The following CLDN10 variants were observed in gnomAD, a reference collection of about 807,000 sequenced individuals.
CLDN10 encodes the protein claudin 10.
In CLDN10, 15 loss-of-function variants were observed where a neutral mutation model predicts 22.9. The ratio of observed to expected loss-of-function variants is 0.65; its 90% CI spans 0.44 to 1.01. CLDN10 has a LOEUF of 1.01. Ranked by LOEUF, CLDN10 falls within the 50% of genes least tolerant of loss-of-function variation. The pLI is 0.00. For synonymous variants in CLDN10, 114 were observed against 111.4 expected, an observed-to-expected ratio of 1.02 and a Z score of -0.15; for missense variants, 247 against 287.8, an observed-to-expected ratio of 0.86 and a Z score of 1.03.
intron 1 of CLDN10, among the ~76,000 whole-genome samples, chr13:95,438,012 A>G: frequency 6.6e-6 from 1 of 152,184 alleles, no homozygotes; most frequent in East Asian, 1.9e-4. Context: ...CCTCTATTAT[A>G]ATTGTTATAG....
At chr13:95,474,531 C>T (rs2042666392) in intron 1 of CLDN10, among the ~76,000 whole-genome samples, 1 of 152,170 alleles carries the variant, frequency 6.6e-6, no homozygotes, top group South Asian at 2.1e-4. Context: ...GCTATGAGCA[C>T]AGAGCGGAGA....
At chr13:95,563,549 G>C (rs2043745931) in intron 3 of CLDN10, among the ~76,000 whole-genome samples, 1 of 152,142 alleles carries the variant, frequency 6.6e-6, no homozygotes, top group Non-Finnish European at 1.5e-5. Flanking sequence ...ACCTGATATT[G>C]AGAATGAGTT....
intron 3 of CLDN10, among the ~76,000 whole-genome samples, chr13:95,572,649 T>C (rs1306672388): frequency 6.6e-6 from 1 of 152,234 alleles, no homozygotes; most frequent in Non-Finnish European, 1.5e-5. Flanking sequence ...AGAACCACGG[T>C]AATGTTTACT....
upstream of CLDN10, among the ~76,000 whole-genome samples, chr13:95,549,889 G>A (rs761744678): frequency 1.3e-5 from 2 of 152,180 alleles, no homozygotes; most frequent in Non-Finnish European, 2.9e-5. Context: ...GAAATTGTGT[G>A]TTGCAATCTC....
intron 1 of CLDN10, among the ~76,000 whole-genome samples, chr13:95,511,517 A>G (rs1323809088): frequency 6.6e-6 from 1 of 152,110 alleles, no homozygotes; most frequent in Non-Finnish European, 1.5e-5. Context: ...AGTTTTCTGC[A>G]GTAGGCAGAG....
chr13:95,514,265 GA>G (rs1334453577), intron 1 of CLDN10, among the ~76,000 whole-genome samples: 1 of 151,682 alleles, frequency 6.6e-6, no homozygotes, highest in Non-Finnish European at 1.5e-5. Context: ...TCTCAGAAAA[GA>G]AAAAAGGAAA....
At chr13:95,533,214 C>A (rs372868492) in intron 1 of CLDN10, among the ~76,000 whole-genome samples, 570 of 123,858 alleles carry the variant, frequency 4.6e-3, no homozygotes, top group Admixed American at 5.3e-3. Context: ...TTAAATATTC[C>A]AAAAAAAAAA....
intron 1 of CLDN10, among the ~76,000 whole-genome samples, chr13:95,464,322 A>G (rs1005605989): frequency 6.6e-6 from 1 of 152,022 alleles, no homozygotes; most frequent in Non-Finnish European, 1.5e-5. Flanking sequence ...TCATTGTTCA[A>G]TTCCCACCTA....
intron 1 of CLDN10, among the ~76,000 whole-genome samples, chr13:95,515,550 C>T (rs779822063): frequency 3.9e-5 from 6 of 152,154 alleles, no homozygotes; most frequent in Non-Finnish European, 7.4e-5. Context: ...CCTACAGGTC[C>T]TTCCCCACTG....
intron 1 of CLDN10, among the ~76,000 whole-genome samples, chr13:95,489,983 C>T (rs998039689): frequency 6.6e-6 from 1 of 152,166 alleles, no homozygotes; most frequent in African/African-American, 2.4e-5. Context: ...TGTCCTTTCC[C>T]CCAGTTTATG....
chr13:95,458,202 A>G (rs35074618), intron 1 of CLDN10, among the ~76,000 whole-genome samples: 45,613 of 152,014 alleles, frequency 0.3, 8,426 homozygotes, highest in Non-Finnish European at 0.41. Context: ...TATCATGTCT[A>G]TGACATCCCA....
intron 1 of CLDN10, among the ~76,000 whole-genome samples, chr13:95,486,785 G>T (rs2042809203): frequency 6.6e-6 from 1 of 152,158 alleles, no homozygotes; most frequent in African/African-American, 2.4e-5. Flanking sequence ...AGTTGTGCAT[G>T]TGCCTCCACC....
At chr13:95,504,053 A>G (rs1234236994) in intron 1 of CLDN10, among the ~76,000 whole-genome samples, 1 of 152,242 alleles carries the variant, frequency 6.6e-6, no homozygotes, top group Non-Finnish European at 1.5e-5. Context: ...ATGGAATTAC[A>G]GGAAAATGCA....
At chr13:95,494,232 G>GC (rs2042904970) in intron 1 of CLDN10, among the ~76,000 whole-genome samples, 1 of 152,246 alleles carries the variant, frequency 6.6e-6, no homozygotes, top group African/African-American at 2.4e-5. Context: ...CCCCATAGTA[G>GC]CTGTCTTGCA....
intron 3 of CLDN10, among the ~76,000 whole-genome samples, chr13:95,572,875 C>T (rs1380497199): frequency 6.6e-6 from 1 of 152,142 alleles, no homozygotes; most frequent in Non-Finnish European, 1.5e-5. Context: ...GATGGCAAAC[C>T]TAACTCAGAA....
At chr13:95,573,679 G>GT (rs1185175780) in intron 3 of CLDN10, among the ~76,000 whole-genome samples, 11 of 151,388 alleles carry the variant, frequency 7.3e-5, no homozygotes, top group Non-Finnish European at 1.2e-4. Context: ...ACACACGTCA[G>GT]TTTTTTTTGA....
At chr13:95,535,811 A>G (rs1444513390) in intron 1 of CLDN10, among the ~76,000 whole-genome samples, 1 of 152,224 alleles carries the variant, frequency 6.6e-6, no homozygotes, top group Non-Finnish European at 1.5e-5. Flanking sequence ...ATGGAGACGA[A>G]TCGTGGAACA....
chr13:95,448,268 C>A (rs1439237281), intron 1 of CLDN10, among the ~76,000 whole-genome samples: 1 of 152,070 alleles, frequency 6.6e-6, no homozygotes, highest in Non-Finnish European at 1.5e-5. Context: ...TACATGTGGG[C>A]AACACACACA....
intron 3 of CLDN10, among the ~76,000 whole-genome samples, chr13:95,561,843 G>A (rs886077549): frequency 6.7e-6 from 1 of 148,728 alleles, no homozygotes; most frequent in Non-Finnish European, 1.5e-5. Flanking sequence ...TTAGTTGACT[G>A]CAGCCTTGCG....
Sources: gnomAD v4.1 joint callset for allele counts (sites outside exome capture counted in the v4.1 genomes callset) on GRCh38, gnomAD v4.1.1 for gene constraint, MANE v1.5 for transcripts, NCBI Gene and HGNC (gene_info 2026-07-23, HGNC 2026-07-21) for gene names.